Variants in DLGAP1 observed in about 807,000 individuals in gnomAD.
DLGAP1 encodes DLG associated protein 1.
Under a neutral mutation model 90.8 loss-of-function variants are expected in DLGAP1, and 11 were observed. That is an observed-to-expected ratio of 0.12 (90% CI 0.08 to 0.20). The LOEUF (loss-of-function observed/expected upper bound fraction) is 0.20. Ranked by LOEUF, DLGAP1 falls within the 10% of genes least tolerant of loss-of-function variation. DLGAP1 has a pLI of 1.00. For synonymous variants in DLGAP1, 558 were observed against 540.7 expected (o/e 1.03, Z -0.44); for missense variants, 1,050 against 1,333.8 (o/e 0.79, Z 3.31).
chr18:3,748,887 A>C (rs2063379760), intron 5 of DLGAP1, among the ~76,000 whole-genome samples: 1 of 152,222 alleles, frequency 6.6e-6, no homozygotes, highest in Admixed American at 6.5e-5. Flanking sequence ...TATAATCCGT[A>C]TAGAAATGTA....
intron 1 of DLGAP1, among the ~76,000 whole-genome samples, chr18:4,391,066 T>C (rs2082331066): frequency 6.6e-6 from 1 of 152,174 alleles, no homozygotes; most frequent in Admixed American, 6.5e-5. Context: ...GTCCAGTGTA[T>C]CCTTTTTATA....
intron 7 of DLGAP1, among the ~76,000 whole-genome samples, chr18:3,671,606 GA>G (rs2146747799): frequency 6.6e-6 from 1 of 152,274 alleles, no homozygotes; most frequent in South Asian, 2.1e-4. Context: ...GACTAAGATG[GA>G]GCCAGTTGTT....
At chr18:3,520,282 C>T (rs1174099157) in intron 10 of DLGAP1, among the ~76,000 whole-genome samples, 1 of 152,176 alleles carries the variant, frequency 6.6e-6, no homozygotes, top group Non-Finnish European at 1.5e-5. Context: ...TCTCTCCGAA[C>T]TCCTTCTGCC....
intron 4 of DLGAP1, among the ~76,000 whole-genome samples, chr18:3,836,555 G>A (rs1250533974): frequency 6.6e-6 from 1 of 152,140 alleles, no homozygotes; most frequent in Non-Finnish European, 1.5e-5. Flanking sequence ...TTTGTCCACT[G>A]AGGAGGAATT....
At position 3,784,592 on chromosome 18, in the gene DLGAP1, T is replaced by C. The variant is rs1305687530; in HGVS notation, c.1172+29467A>G. 4.6e-5 allele frequency among the ~76,000 whole-genome samples: 7 copies of C among 152,270 alleles called. No individual in the cohort carries two copies. The South Asian group carries it at 6.2e-4, about 14-fold the overall frequency. On this transcript the variant is annotated intron_variant, in intron 5 of 12. Transcript: ENST00000315677. ...TCAGTGCGTTCTCTGATTAGGCCTC[T>C]TGATGACGGCCGGATCCCTGCCCGG...
In DLGAP1 at chr18:3,833,392, C is replaced by A. The variant is rs186639788; in HGVS notation, c.958-19119G>T. Among the ~76,000 whole-genome samples the A allele has an allele frequency of 3.7e-4, 57 of 152,060 alleles. No homozygotes were observed. In the South Asian group the frequency reaches 0.012, roughly 31 times the overall value. On this transcript the variant is annotated intron_variant, in intron 4 of 12. Transcript: ENST00000315677. ...AGAACCACAGGCACATGCCACCACG[C>A]CCAGTTAATTTTTGTATTTTTGGTA...
chr18:4,006,978 G>A (rs1263335346), intron 2 of DLGAP1, among the ~76,000 whole-genome samples: 1 of 152,132 alleles, frequency 6.6e-6, no homozygotes, highest in Admixed American at 6.5e-5. Flanking sequence ...GTTCTATGAA[G>A]TGCAATGTTT....
At chr18:4,326,111 A>G (rs548374379) in intron 1 of DLGAP1, among the ~76,000 whole-genome samples, 11 of 152,324 alleles carry the variant, frequency 7.2e-5, no homozygotes, top group African/African-American at 2.6e-4. Flanking sequence ...CAAACTATGG[A>G]TCCCACGAAG....
At chr18:4,245,548 T>A (rs186085322) in intron 1 of DLGAP1, among the ~76,000 whole-genome samples, 8 of 152,288 alleles carry the variant, frequency 5.3e-5, no homozygotes, top group Admixed American at 5.2e-4. Context: ...AGCAAAGCTA[T>A]TATTTTTTAT....
chr18:4,109,065 T>G (rs1336452193), intron 2 of DLGAP1, among the ~76,000 whole-genome samples: 1 of 152,154 alleles, frequency 6.6e-6, no homozygotes, highest in African/African-American at 2.4e-5. Context: ...GAGCTCCTAT[T>G]TGAGAAGTGT....
intron 1 of DLGAP1, among the ~76,000 whole-genome samples, chr18:4,184,038 C>A (rs1215081651): frequency 6.6e-6 from 1 of 152,040 alleles, no homozygotes; most frequent in Non-Finnish European, 1.5e-5. Flanking sequence ...AGCCAGTTTA[C>A]GCAAAGCAAA....
chr18:3,535,863 C>T (rs1163405271), intron 9 of DLGAP1, among the ~76,000 whole-genome samples: 1 of 151,630 alleles, frequency 6.6e-6, no homozygotes, highest in Non-Finnish European at 1.5e-5. Flanking sequence ...ATAATCCCGT[C>T]TCTACTAAAA....
intron 1 of DLGAP1, among the ~76,000 whole-genome samples, chr18:4,269,471 AG>A (rs2079214861): frequency 6.6e-6 from 1 of 151,278 alleles, no homozygotes; most frequent in Admixed American, 6.6e-5. Context: ...CTCCTGCCTC[AG>A]CCTCCCGAGT....
At chr18:4,337,460 G>C (rs12150853) in intron 1 of DLGAP1, among the ~76,000 whole-genome samples, 3,487 of 151,866 alleles carry the variant, frequency 0.023, 53 homozygotes, top group East Asian at 0.049. Context: ...CAAAGTGCTG[G>C]GATTACAGGT....
intron 2 of DLGAP1, among the ~76,000 whole-genome samples, chr18:4,097,592 T>C (rs73384761): frequency 0.034 from 5,237 of 152,282 alleles, 322 homozygotes; most frequent in African/African-American, 0.12. Context: ...AGCCACATGC[T>C]TTTCATGCAA....
intron 1 of DLGAP1, among the ~76,000 whole-genome samples, chr18:4,374,167 G>C (rs2081971996): frequency 6.6e-6 from 1 of 152,028 alleles, no homozygotes; most frequent in South Asian, 2.1e-4. Context: ...TATTTATATG[G>C]GGAACGCATG....
At chr18:4,062,236 C>T (rs542950154) in intron 2 of DLGAP1, among the ~76,000 whole-genome samples, 161 of 152,238 alleles carry the variant, frequency 1.1e-3, no homozygotes, top group African/African-American at 3.8e-3. Flanking sequence ...CAGTAAGAAT[C>T]TGTTTTCTTT....
intron 1 of DLGAP1, among the ~76,000 whole-genome samples, chr18:4,183,192 T>C (rs540041875): frequency 3.3e-5 from 5 of 152,174 alleles, no homozygotes; most frequent in African/African-American, 1.2e-4. Flanking sequence ...CAAGTCATAC[T>C]GAAAACTGTC....
intron 2 of DLGAP1, among the ~76,000 whole-genome samples, chr18:4,069,583 C>T (rs1005072559): frequency 6.6e-6 from 1 of 152,138 alleles, no homozygotes; most frequent in African/African-American, 2.4e-5. Flanking sequence ...TGTGGCACCT[C>T]CCCCATGCTC....
Sources: allele counts gnomAD v4.1 joint callset (sites outside exome capture counted in the v4.1 genomes callset), GRCh38; gene constraint gnomAD v4.1.1; transcripts MANE v1.5; gene names NCBI Gene and HGNC (gene_info 2026-07-23, HGNC 2026-07-21).